Variants in CPVL observed in about 807,000 individuals in gnomAD.
CPVL encodes probable serine carboxypeptidase CPVL.
In CPVL, 51 loss-of-function variants were observed where a neutral mutation model predicts 63.7. That is an observed-to-expected ratio of 0.80 (90% CI 0.64 to 1.01). CPVL has a LOEUF of 1.01. Among genes scored for constraint, CPVL ranks in the 50% least tolerant of loss-of-function variants. CPVL has a pLI of 0.00. For synonymous variants in CPVL, 195 were observed against 206.0 expected (o/e 0.95, Z 0.46); for missense variants, 530 against 573.1 (o/e 0.92, Z 0.77).
At chr7:29,146,354 C>T (rs1404324247) in intron 1 of CPVL, 75 bp downstream of exon 1, 6 of 568,298 alleles carry the variant, frequency 1.1e-5, no homozygotes, top group Non-Finnish European at 1.8e-5. Flanking sequence ...CCCCGCGCTC[C>T]CTAAGTCCGA....
intron 1 of CPVL, among the ~76,000 whole-genome samples, chr7:29,139,383 T>C (rs1332257198): frequency 1.3e-5 from 2 of 152,164 alleles, no homozygotes; most frequent in Admixed American, 6.5e-5. Flanking sequence ...GAGATCAGGC[T>C]AAAACTGCTT....
At chr7:29,043,884 G>C (rs1789366333) in intron 11 of CPVL, among the ~76,000 whole-genome samples, 1 of 152,080 alleles carries the variant, frequency 6.6e-6, no homozygotes. Context: ...TAACAGACCA[G>C]GGTCAACTGC....
At chr7:29,072,231 C>G (rs903142240) in intron 8 of CPVL, 70 bp downstream of exon 8, 4 of 1,550,392 alleles carry the variant, frequency 2.6e-6, no homozygotes, top group Non-Finnish European at 2.6e-6. Context: ...CTAAGAGGAG[C>G]CTTCCATCTG....
At chr7:29,107,742 G>A (rs748544471) in intron 3 of CPVL, among the ~76,000 whole-genome samples, 6 of 152,190 alleles carry the variant, frequency 3.9e-5, no homozygotes, top group Non-Finnish European at 8.8e-5. Flanking sequence ...AGCTCTCCAG[G>A]TATTTCTGGT....
chr7:29,050,814 A>AC lies in CPVL; in HGVS notation c.1137+13246dup, dbSNP rs1166450803. Among the ~76,000 whole-genome samples, 137 of 150,572 alleles carry AC rather than the reference A, an allele frequency of 9.1e-4. 1 individual carries two copies. In the Middle Eastern group the frequency reaches 0.01, roughly 11 times the overall value. On this transcript the variant is annotated intron_variant, in intron 11 of 12. Transcript: ENST00000265394. ...AAGTGAGACTAAGCAAAAAAAAAAA[A>AC]CAAATCTGGAGGCATCACACTACCT...
chr7:29,043,514 T>G (rs528904542), intron 11 of CPVL, among the ~76,000 whole-genome samples: 2 of 152,030 alleles, frequency 1.3e-5, no homozygotes, highest in Non-Finnish European at 2.9e-5. Flanking sequence ...GTAACAAATA[T>G]GGGGACTGTC....
Position 29,077,726 on chromosome 7 carries a change from C to G in CPVL, c.610-5303G>C, listed in dbSNP as rs548432761. Among the ~76,000 whole-genome samples, 16 of 152,306 alleles carry G rather than the reference C, an allele frequency of 1.1e-4. No homozygotes were observed. The East Asian group carries it at 1.9e-3, about 18-fold the overall frequency. The stretch of plus-strand genomic sequence containing the variant: ...CTTGTTCTCCAGCTCATCCCAGGCA[C>G]AGACTACAATAGAGCTGCCACCCAT... On this transcript the variant is annotated intron_variant, in intron 7 of 12. Transcript: ENST00000265394.
intron 11 of CPVL, among the ~76,000 whole-genome samples, 196 bp downstream of exon 11, chr7:29,063,865 A>G (rs1782877608): frequency 6.6e-6 from 1 of 152,020 alleles, no homozygotes; most frequent in South Asian, 2.1e-4. Context: ...AGTCACCACA[A>G]CGGCAAAAGT....
chr7:29,168,726 TA>T (rs1301274191), intron 5 of CPVL, among the ~76,000 whole-genome samples: 3 of 152,242 alleles, frequency 2.0e-5, no homozygotes, highest in African/African-American at 7.2e-5. Flanking sequence ...ATCAGATGGC[TA>T]AACACACTTA....
At chr7:29,156,061 G>A (rs1016539079) in intron 5 of CPVL, among the ~76,000 whole-genome samples, 5 of 152,148 alleles carry the variant, frequency 3.3e-5, no homozygotes, top group African/African-American at 9.7e-5. Context: ...GGGATAAACC[G>A]GCGAAGCATG....
At chr7:29,152,302 A>G (rs1012881891) in intron 5 of CPVL, among the ~76,000 whole-genome samples, 32 of 152,172 alleles carry the variant, frequency 2.1e-4, no homozygotes, top group Middle Eastern at 3.2e-3. Context: ...GTTAACTGCT[A>G]TGGATTTAAA....
At chr7:29,137,181 T>G (rs1791312307) in intron 1 of CPVL, among the ~76,000 whole-genome samples, 1 of 152,156 alleles carries the variant, frequency 6.6e-6, no homozygotes, top group African/African-American at 2.4e-5. Context: ...ATTAAGGACA[T>G]GGACACGCAC....
chr7:29,175,136 G>A (rs550337714), intron 5 of CPVL, among the ~76,000 whole-genome samples: 1 of 151,462 alleles, frequency 6.6e-6, no homozygotes, highest in Non-Finnish European at 1.5e-5. Context: ...TCTCATGGCA[G>A]TGAATAAGTC....
chr7:29,161,037 T>C (rs895767705), intron 5 of CPVL, among the ~76,000 whole-genome samples: 2 of 152,278 alleles, frequency 1.3e-5, no homozygotes, highest in Non-Finnish European at 2.9e-5. Flanking sequence ...TCTTTTCAAC[T>C]CTATAAACTT....
intron 11 of CPVL, among the ~76,000 whole-genome samples, chr7:29,039,916 T>C (rs1788906481): frequency 6.6e-6 from 1 of 152,218 alleles, no homozygotes; most frequent in Non-Finnish European, 1.5e-5. Flanking sequence ...GACAAAGTTA[T>C]GCTTTTTTCC....
rs150422846 is a variant in CPVL, at chr7:29,166,937, T to C, written c.-11+14353A>G. ...TCTACTATCTGTGTCATTTTTGTTC[T>C]GTTTCCATTGACTGATTTTTCTCCA... On this transcript the variant is annotated intron_variant, in intron 5 of 16. Coordinates refer to the CPVL transcript ENST00000409850. Among the ~76,000 whole-genome samples, 548 of 152,284 alleles carry C rather than the reference T, an allele frequency of 3.6e-3. 4 individuals are homozygous for C. Among genetic ancestry groups the C allele is most frequent in the African/African-American group, 0.012 (517 of 41,584 alleles).
intron 5 of CPVL, among the ~76,000 whole-genome samples, chr7:29,156,493 C>G (rs1428737969): frequency 2.6e-5 from 4 of 152,156 alleles, no homozygotes; most frequent in African/African-American, 9.7e-5. Context: ...AGATGGCGAT[C>G]TTGTGAAATA....
intron 7 of CPVL, chr7:29,082,427 C>T (rs317728): frequency 0.43 from 64,793 of 152,152 alleles, 15,401 homozygotes; most frequent in Non-Finnish European, 0.52. Flanking sequence ...ATCCAGAACG[C>T]CTTCCACTTC....
At chr7:29,118,769 T>G (rs1216321023) in intron 2 of CPVL, among the ~76,000 whole-genome samples, 1 of 152,244 alleles carries the variant, frequency 6.6e-6, no homozygotes, top group East Asian at 1.9e-4. Context: ...TTTTGATCTT[T>G]AAAATGACCA....
Sources: gnomAD v4.1 joint callset for allele counts (sites outside exome capture counted in the v4.1 genomes callset) on GRCh38, gnomAD v4.1.1 for gene constraint, MANE v1.5 for transcripts, NCBI Gene and HGNC (gene_info 2026-07-23, HGNC 2026-07-21) for gene names.